Variants in HECTD4 observed in about 807,000 individuals in gnomAD.
The protein encoded by HECTD4 is HECT domain E3 ubiquitin protein ligase 4.
In HECTD4, 114 loss-of-function variants were observed where a neutral mutation model predicts 471.5. That is an observed-to-expected ratio of 0.24 (90% CI 0.21 to 0.28). HECTD4 has a LOEUF of 0.28. HECTD4 is among the 10% of genes least tolerant of loss of function. The pLI is 1.00. For synonymous variants in HECTD4, 2,012 were observed against 2,256.0 expected (o/e 0.89, Z 3.07); for missense variants, 3,866 against 5,651.5 (o/e 0.68, Z 10.13).
intron 18 of HECTD4, among the ~76,000 whole-genome samples, chr12:112,260,584 T>C (rs2135599866): frequency 6.6e-6 from 1 of 152,046 alleles, no homozygotes; most frequent in South Asian, 2.1e-4. Context: ...GCAGAATTTT[T>C]TTTTTTTTTT....
chr12:112,265,358 T>G (rs372109939), intron 15 of HECTD4, 63 bp from the exon 16 acceptor site: 13 of 1,099,858 alleles, frequency 1.2e-5, no homozygotes, highest in Non-Finnish European at 1.7e-5. Flanking sequence ...AAGGATAAAT[T>G]TTATATAATT....
intron 24 of HECTD4, 82 bp downstream of exon 24, chr12:112,250,889 G>T: frequency 7.3e-7 from 1 of 1,378,548 alleles, no homozygotes; most frequent in Middle Eastern, 2.0e-4. Context: ...AATCACCTGG[G>T]AAATGTACCA....
chr12:112,171,236 C>T lies in HECTD4; in HGVS notation c.11813G>A (p.Arg3938His), dbSNP rs372068050. The T allele has an allele frequency of 2.4e-5, 39 of 1,609,716 alleles. No homozygotes were observed. Among genetic ancestry groups the T allele is most frequent in the African/African-American group, 1.2e-4 (9 of 74,852 alleles). ...GTTGAGGGACTGCAGCAAGGCGAAG[C>T]GCAGGCGCAGGCTCTCGATGGGCAC... ...LNVPIESLRL[R>H]FALLQSLNTT... The change falls in exon 68 of 76, where the codon CGC (arginine) becomes CAC (histidine). Residue 3938 changes from arginine to histidine, a missense_variant. Physicochemically the swap from Arg to His is conservative, Grantham distance 29. Transcript: ENST00000682272.
intron 55 of HECTD4, among the ~76,000 whole-genome samples, chr12:112,200,133 G>C (rs1205354378): frequency 1.3e-5 from 2 of 151,620 alleles, no homozygotes; most frequent in Non-Finnish European, 2.9e-5. Context: ...TGTTGCATAA[G>C]TCAGATGATT....
At chr12:112,321,390 T>C (rs1401375204) in intron 1 of HECTD4, among the ~76,000 whole-genome samples, 1 of 152,150 alleles carries the variant, frequency 6.6e-6, no homozygotes, top group East Asian at 1.9e-4. Flanking sequence ...TGCACATAAA[T>C]TTGACTAGAT....
intron 65 of HECTD4, 70 bp from the exon 66 acceptor site, chr12:112,175,929 G>A: frequency 6.4e-7 from 1 of 1,574,138 alleles, no homozygotes; most frequent in Non-Finnish European, 8.6e-7. Flanking sequence ...AACGTGCTCT[G>A]CTCTCACCAC....
In HECTD4 at chr12:112,163,480, T is replaced by TGACAGGGAGGCACGCCTGGGGC; in HGVS notation, c.12897+40_12897+61dup. The TGACAGGGAGGCACGCCTGGGGC allele has an allele frequency of 7.3e-7, 1 of 1,374,250 alleles. No homozygotes were observed. Among genetic ancestry groups the TGACAGGGAGGCACGCCTGGGGC allele is most frequent in the Non-Finnish European group, 9.7e-7 (1 of 1,031,394 alleles). 85.1% of individuals were successfully genotyped at this position (1,374,250 alleles called of 1,614,324 possible). The stretch of plus-strand genomic sequence containing the variant: ...CGATGCCTGCTGCTGGAGTTGAGGG[T>TGACAGGGAGGCACGCCTGGGGC]GACAGGGAGGCACGCCTGGGGCTCA... On this transcript the variant is annotated intron_variant, in intron 74 of 75. Coordinates refer to ENST00000682272, the MANE Select transcript of HECTD4 (RefSeq NM_001388303.1). The surrounding 1 kb of genome is among the most constrained non-coding windows in gnomAD (Gnocchi z 8.2).
At chr12:112,317,956 CAAAAAAAA>C (rs59773169) in intron 2 of HECTD4, among the ~76,000 whole-genome samples, 92 of 22,240 alleles carry the variant, frequency 4.1e-3, no homozygotes, top group African/African-American at 8.4e-3. Context: ...GACCCCATCT[CAAAAAAAA>C]AAAAAAAAAA....
In HECTD4 at chr12:112,184,081, C is replaced by T; in HGVS notation, c.10779+106G>A. 1 of 1,148,220 alleles carries T rather than the reference C, an allele frequency of 8.7e-7. No individual in the cohort carries two copies. Among genetic ancestry groups the T allele is most frequent in the Non-Finnish European group, 1.2e-6 (1 of 803,104 alleles). The allele number at this position is 1,148,220 out of a possible 1,614,324, so 71.1% of individuals were successfully genotyped here. A position where few individuals can be genotyped will look rare whatever the true frequency, so the allele number is the denominator to read the frequency against. ...AAGGGCTGCCCCAGGGAGCCCCCAA[C>T]CGCTCCACCATTACCTACTAGGAAA... is the stretch of plus-strand genomic sequence containing the variant. On this transcript the variant is annotated intron_variant, in intron 61 of 75. Coordinates refer to ENST00000682272, the MANE Select transcript of HECTD4 (RefSeq NM_001388303.1). The surrounding 1 kb of genome is among the most constrained non-coding windows in gnomAD (Gnocchi z 9.1).
In HECTD4 at chr12:112,200,798, C is replaced by T. The variant is rs2032399195; in HGVS notation, c.8407G>A (p.Val2803Met). The change falls in exon 55 of 76, where the codon GTG becomes ATG. Residue 2803 changes from valine to methionine, a missense_variant and splice_region_variant. Physicochemically the swap from Val to Met is conservative, Grantham distance 21 (BLOSUM62 1). This residue lies in a region of HECTD4 where 266 missense variants were observed against 441.6 expected (regional missense o/e 0.60). Coordinates refer to ENST00000682272, the MANE Select transcript of HECTD4 (RefSeq NM_001388303.1). ...LHGVVLDVDS[V>M]NELVQVETYL... is the part of the protein sequence containing the mutation. ...GTTTCTACCTGCACCAGTTCATTCA[C>T]CTACAATAGGAAAAGAAAATGTCTG... 2 of 1,609,746 alleles carry T rather than the reference C, an allele frequency of 1.2e-6. No individual in the cohort carries two copies. Among genetic ancestry groups the T allele is most frequent in the East Asian group, 2.2e-5 (1 of 44,786 alleles).
chr12:112,328,295 T>C (rs1218508603), intron 1 of HECTD4, among the ~76,000 whole-genome samples: 1 of 152,026 alleles, frequency 6.6e-6, no homozygotes, highest in Admixed American at 6.6e-5. Context: ...TTCACCACTA[T>C]GCCTAGCTAA....
intron 55 of HECTD4, among the ~76,000 whole-genome samples, chr12:112,197,403 G>T (rs974490419): frequency 6.6e-6 from 1 of 152,100 alleles, no homozygotes; most frequent in Non-Finnish European, 1.5e-5. Context: ...CTGCAGCCTT[G>T]AACTCCCAGG....
At chr12:112,175,906 A>C (rs764970448) in intron 65 of HECTD4, 47 bp from the exon 66 acceptor site, 11 of 1,605,318 alleles carry the variant, frequency 6.9e-6, no homozygotes, top group Non-Finnish European at 9.4e-6. Context: ...ACCTGCGCAC[A>C]TCGCGCGCCT....
rs369162059 is a variant in HECTD4 at position 112,167,800 on chromosome 12, C to T, written c.12312+14G>A. 2.8e-5 allele frequency: 45 copies of T among 1,608,072 alleles called. No homozygotes were observed. Among genetic ancestry groups the T allele is most frequent in the African/African-American group, 1.6e-4 (12 of 74,816 alleles). On this transcript the variant is annotated intron_variant, in intron 71 of 75. Transcript: ENST00000682272. Reference sequence around the variant, plus strand: ...AGCTCGGGGGCGTGGAGCCTCCTCCCGGCCTCTGCCTACCTTGTTCTTATT... The same window carrying T: ...AGCTCGGGGGCGTGGAGCCTCCTCCTGGCCTCTGCCTACCTTGTTCTTATT...
intron 1 of HECTD4, among the ~76,000 whole-genome samples, chr12:112,342,971 A>G (rs2036078898): frequency 6.6e-6 from 1 of 152,250 alleles, no homozygotes; most frequent in Non-Finnish European, 1.5e-5. Flanking sequence ...ACTGATGCAC[A>G]TGTAATTTAC....
intron 8 of HECTD4, among the ~76,000 whole-genome samples, chr12:112,281,742 T>C (rs2034644867): frequency 6.6e-6 from 1 of 152,196 alleles, no homozygotes; most frequent in South Asian, 2.1e-4. Flanking sequence ...ATAAATTAAC[T>C]ATAAATATTT....
intron 69 of HECTD4, 51 bp from the exon 70 acceptor site, chr12:112,169,709 C>T (rs768119494): frequency 6.2e-7 from 1 of 1,605,374 alleles, no homozygotes; most frequent in South Asian, 1.1e-5. Context: ...CCGCCCTCTC[C>T]CCTCCCCTTG....
At position 112,212,613 on chromosome 12, in the gene HECTD4, C is replaced by A. The variant is rs368386578; in HGVS notation, c.7503G>T (p.Gly2501=). 8 of 1,613,642 alleles carry A rather than the reference C, an allele frequency of 5.0e-6. No homozygotes were observed. Among genetic ancestry groups the A allele is most frequent in the Non-Finnish European group, 6.8e-6 (8 of 1,179,846 alleles). The change falls in exon 49 of 76, where the codon GGG becomes GGT. Residue 2501 remains glycine, a synonymous_variant. Coordinates refer to ENST00000682272, the MANE Select transcript of HECTD4 (RefSeq NM_001388303.1). ...VAGIGWERTE[G]TPPPPGQPAK... ...CTGGCTGTCCCGGAGGAGGTGGAGT[C>A]CCCTCAGTTCTCTCCCAGCCAATTC...
chr12:112,353,938 G>A (rs2036288829), intron 1 of HECTD4, among the ~76,000 whole-genome samples: 1 of 152,178 alleles, frequency 6.6e-6, no homozygotes, highest in Non-Finnish European at 1.5e-5. Flanking sequence ...AGCCAGCACA[G>A]TGGTGCATGC....
Sources: allele counts gnomAD v4.1 joint callset (sites outside exome capture counted in the v4.1 genomes callset), GRCh38; gene constraint gnomAD v4.1.1; regional missense constraint gnomAD v4.1.1; non-coding constraint Gnocchi (gnomAD v3.1); transcripts MANE v1.5; gene names NCBI Gene and HGNC (gene_info 2026-07-23, HGNC 2026-07-21).